PTK2: variants seen among roughly 807,000 people sequenced by gnomAD.
The protein encoded by PTK2 is focal adhesion kinase 1.
PTK2 carries 45 observed loss-of-function variants against 150.1 expected under a neutral mutation model. The ratio of observed to expected loss-of-function variants is 0.30; its 90% confidence interval spans 0.24 to 0.38. PTK2 has a LOEUF of 0.38. Ranked by LOEUF, PTK2 falls within the 10% of genes least tolerant of loss-of-function variation. PTK2 has a pLI of 1.00. For synonymous variants in PTK2, 432 were observed against 449.2 expected (o/e 0.96, Z 0.48); for missense variants, 919 against 1,307.3 (o/e 0.70, Z 4.58).
At chr8:140,766,913 G>A (rs2100072622) in intron 14 of PTK2, among the ~76,000 whole-genome samples, 1 of 152,186 alleles carries the variant, frequency 6.6e-6, no homozygotes, top group African/African-American at 2.4e-5. Flanking sequence ...CAGGAGACAT[G>A]ACAGAAAGTT....
intron 26 of PTK2, among the ~76,000 whole-genome samples, chr8:140,700,487 G>GTT (rs199884182): frequency 2.4e-4 from 33 of 140,336 alleles, no homozygotes; most frequent in Admixed American, 4.3e-4. Context: ...ATTTCAAGTA[G>GTT]TTTTTTTTTT....
At chr8:140,808,474 T>G (rs1185458189) in intron 10 of PTK2, among the ~76,000 whole-genome samples, 1 of 152,048 alleles carries the variant, frequency 6.6e-6, no homozygotes, top group Non-Finnish European at 1.5e-5. Context: ...CCTTATAAAC[T>G]CAAAAGGAAA....
rs113876267 is a variant in PTK2, at chr8:140,905,635, G to A, written c.-32-14866C>T. Among the ~76,000 whole-genome samples, 1,199 of 152,168 alleles carry A rather than the reference G, an allele frequency of 7.9e-3. 7 individuals carry two copies. Among genetic ancestry groups the A allele is most frequent in the Non-Finnish European group, 0.011 (767 of 67,994 alleles). On this transcript the variant is annotated intron_variant, in intron 2 of 31. Coordinates refer to ENST00000522684, the Ensembl canonical transcript of PTK2. The stretch of plus-strand genomic sequence containing the variant: ...GATCAACAAGACAGAAGATAAACAC[G>A]GATATTCAGGACTTGAACTCAGCTC...
chr8:140,748,903 A>G (rs534985592), intron 17 of PTK2, among the ~76,000 whole-genome samples: 2 of 152,368 alleles, frequency 1.3e-5, no homozygotes, highest in East Asian at 3.8e-4. Context: ...CTGATTTCAC[A>G]GACTATAAAA....
At chr8:140,989,204 C>T (rs1282781111) in intron 1 of PTK2, among the ~76,000 whole-genome samples, 25 of 112,052 alleles carry the variant, frequency 2.2e-4, no homozygotes, top group Admixed American at 1.3e-3. Context: ...ATAGGAAGAC[C>T]CTGTCTCTAA....
intron 1 of PTK2, among the ~76,000 whole-genome samples, chr8:140,974,991 G>A (rs1268926101): frequency 1.3e-5 from 2 of 152,100 alleles, no homozygotes; most frequent in South Asian, 2.1e-4. Context: ...ACTTAGTCAC[G>A]CCTGTAGATG....
chr8:140,926,875 C>A (rs1238489389), intron 1 of PTK2, among the ~76,000 whole-genome samples: 1 of 152,106 alleles, frequency 6.6e-6, no homozygotes, highest in East Asian at 1.9e-4. Flanking sequence ...GACAACAAAA[C>A]CCTGACCTTA....
At chr8:140,669,301 G>GTGCATATA (rs1554641612) in intron 29 of PTK2, 6 of 97,984 alleles carry the variant, frequency 6.1e-5, no homozygotes, top group Admixed American at 4.1e-4. Flanking sequence ...GCATAAAATG[G>GTGCATATA]TATATATATA....
At chr8:140,732,067 C>T (rs763146828) in intron 22 of PTK2, among the ~76,000 whole-genome samples, 3 of 152,068 alleles carry the variant, frequency 2.0e-5, no homozygotes, top group Non-Finnish European at 2.9e-5. Flanking sequence ...ATAATTTTAA[C>T]GACCAAAGGG....
intron 2 of PTK2, among the ~76,000 whole-genome samples, chr8:140,894,206 G>A (rs1237600342): frequency 6.6e-6 from 1 of 152,118 alleles, no homozygotes; most frequent in African/African-American, 2.4e-5. Flanking sequence ...TCCTCTCTCT[G>A]CTCTCCAGAG....
intron 23 of PTK2, among the ~76,000 whole-genome samples, chr8:140,714,250 T>TA (rs895547288): frequency 2.0e-5 from 3 of 152,126 alleles, no homozygotes; most frequent in African/African-American, 7.2e-5. Context: ...CTATAAAACT[T>TA]ACAAAACTTT....
chr8:140,681,660 G>A (rs937408092), intron 27 of PTK2, among the ~76,000 whole-genome samples: 6 of 151,288 alleles, frequency 4.0e-5, no homozygotes, highest in East Asian at 2.0e-4. Context: ...GCCTGTAGTC[G>A]CAGCTACTCG....
At chr8:140,811,581 GA>G (rs2154601136) in intron 10 of PTK2, among the ~76,000 whole-genome samples, 1 of 152,294 alleles carries the variant, frequency 6.6e-6, no homozygotes, top group South Asian at 2.1e-4. Context: ...TGAAATGACA[GA>G]AATAGAATTC....
chr8:140,880,268 G>A (rs2100148445), intron 3 of PTK2, among the ~76,000 whole-genome samples: 1 of 152,160 alleles, frequency 6.6e-6, no homozygotes, highest in Non-Finnish European at 1.5e-5. Context: ...CCTCTAACAT[G>A]TGTTCCCTTG....
chr8:140,818,432 G>A, intron 9 of PTK2, 78 bp from the exon 10 acceptor site: 2 of 1,278,348 alleles, frequency 1.6e-6, no homozygotes, highest in East Asian at 2.3e-5. Flanking sequence ...CCGTGGATAT[G>A]TTAAAGGACC....
At chr8:140,841,082 T>A (rs2100122045) in intron 7 of PTK2, among the ~76,000 whole-genome samples, 1 of 152,134 alleles carries the variant, frequency 6.6e-6, no homozygotes, top group South Asian at 2.1e-4. Context: ...CAAGGAAAAA[T>A]TAATAGACTT....
chr8:140,914,798 G>T (rs1264084055), intron 2 of PTK2, among the ~76,000 whole-genome samples: 1 of 152,074 alleles, frequency 6.6e-6, no homozygotes, highest in Non-Finnish European at 1.5e-5. Context: ...CACTCTGAGA[G>T]GCCGAGGCGA....
At chr8:140,752,742 G>A (rs1691321778) in intron 16 of PTK2, among the ~76,000 whole-genome samples, 1 of 152,260 alleles carries the variant, frequency 6.6e-6, no homozygotes, top group African/African-American at 2.4e-5. Context: ...GAGCAGATCA[G>A]GATATGGAGA....
chr8:140,866,414 T>C (rs1049621546), intron 4 of PTK2, among the ~76,000 whole-genome samples: 15 of 152,240 alleles, frequency 9.9e-5, no homozygotes, highest in African/African-American at 3.6e-4. Flanking sequence ...ATTTAGTGTA[T>C]GACAGGAATT....
Sources: gnomAD v4.1 joint callset for allele counts (sites outside exome capture counted in the v4.1 genomes callset) on GRCh38, gnomAD v4.1.1 for gene constraint, MANE v1.5 for transcripts, NCBI Gene and HGNC (gene_info 2026-07-23, HGNC 2026-07-21) for gene names.